DENND2A: variants seen among roughly 807,000 people sequenced by gnomAD.
The protein encoded by DENND2A is DENN domain-containing protein 2A.
A neutral mutation model predicts 105.3 loss-of-function variants in DENND2A; 53 were observed. That is an observed-to-expected ratio of 0.50 (90% CI 0.40 to 0.63). The LOEUF is 0.63. DENND2A is among the 30% of genes least tolerant of loss of function. The pLI is 0.00. For missense variants in DENND2A, 1,138 were observed against 1,279.6 expected, an observed-to-expected ratio of 0.89 and a Z score of 1.69; for synonymous variants, 522 against 508.4, an observed-to-expected ratio of 1.03 and a Z score of -0.36.
rs1310567277 is a variant in DENND2A at position 140,602,548 on chromosome 7, C to A, written c.-145-6G>T. Reference sequence around the variant, plus strand: ...TTGGACCTTCCACCTTGACCCTGCACAAGAAAGACAAACACCAGGTGAGTG... The same window carrying A: ...TTGGACCTTCCACCTTGACCCTGCAAAAGAAAGACAAACACCAGGTGAGTG... On this transcript the variant is annotated splice_region_variant and splice_polypyrimidine_tract_variant and intron_variant, in intron 2 of 19. Coordinates refer to ENST00000496613, the MANE Select transcript of DENND2A (RefSeq NM_015689.5). 1.5e-6 allele frequency: 1 copy of A among 684,742 alleles called. No homozygotes were observed. Among genetic ancestry groups the A allele is most frequent in the Non-Finnish European group, 2.2e-6 (1 of 457,428 alleles). 42.4% of individuals were successfully genotyped at this position (684,742 alleles called of 1,614,324 possible). A position where few individuals can be genotyped will look rare whatever the true frequency, so the allele number is the denominator to read the frequency against.
chr7:140,558,545 A>T (rs1797478794), intron 10 of DENND2A, among the ~76,000 whole-genome samples: 1 of 152,050 alleles, frequency 6.6e-6, no homozygotes, highest in African/African-American at 2.4e-5. Flanking sequence ...AAAATACAAA[A>T]ATTAGCCAGG....
chr7:140,607,222 G>T (rs566336168), intron 1 of DENND2A, among the ~76,000 whole-genome samples: 75 of 152,282 alleles, frequency 4.9e-4, no homozygotes, highest in African/African-American at 1.8e-3. Context: ...TCCTGGCCTG[G>T]GCATCCTCTC....
rs1187067727 is a variant in DENND2A at position 140,609,801 on chromosome 7, T to A, written c.-247-3995A>T. On this transcript the variant is annotated intron_variant, in intron 1 of 19. Transcript: ENST00000496613. ...TGGCTCAAGAATTTTCTTTGGGCAT[T>A]GACATCATGTTGACTGGAGGGTTCA... The A allele has an allele frequency of 2.0e-5, 3 of 152,212 alleles. No individual in the cohort carries two copies. The East Asian group carries it at 5.8e-4, about 29-fold the overall frequency. 9.4% of individuals were successfully genotyped at this position (152,212 alleles called of 1,614,324 possible). A position where few individuals can be genotyped will look rare whatever the true frequency, so the allele number is the denominator to read the frequency against.
Position 140,530,549 on chromosome 7 carries a change from G to A in DENND2A, c.2328-3054C>T, listed in dbSNP as rs78284578. On this transcript the variant is annotated intron_variant, in intron 14 of 19. Coordinates refer to ENST00000496613, the MANE Select transcript of DENND2A (RefSeq NM_015689.5). ...TGATCACCCCCAAGATGAGAAAAACGCTACCCCAAGATTTCATTCTTATCC... is the reference window on the plus strand; with the variant it reads ...TGATCACCCCCAAGATGAGAAAAACACTACCCCAAGATTTCATTCTTATCC... Among the ~76,000 whole-genome samples the A allele has an allele frequency of 6.3e-3, 958 of 151,626 alleles. 7 individuals are homozygous for A. The highest frequency in any genetic ancestry group is 0.021 in the African/African-American group (887 of 41,336).
At chr7:140,572,660 A>G (rs1383337562) in intron 6 of DENND2A, among the ~76,000 whole-genome samples, 1 of 150,830 alleles carries the variant, frequency 6.6e-6, no homozygotes, top group Non-Finnish European at 1.5e-5. Context: ...AGGCTGAGGC[A>G]GGAGAATCGC....
At chr7:140,531,777 T>C (rs1796279207) in intron 14 of DENND2A, among the ~76,000 whole-genome samples, 1 of 148,922 alleles carries the variant, frequency 6.7e-6, no homozygotes, top group African/African-American at 2.5e-5. Context: ...AATACGCCAT[T>C]GCACCCCAGG....
At chr7:140,609,287 C>T (rs1484030838) in intron 1 of DENND2A, among the ~76,000 whole-genome samples, 3 of 152,206 alleles carry the variant, frequency 2.0e-5, no homozygotes, top group East Asian at 3.9e-4. Context: ...CCAAGGCGGG[C>T]GGATCTCTTG....
intron 5 of DENND2A, among the ~76,000 whole-genome samples, chr7:140,581,887 G>A (rs1655059097): frequency 6.6e-6 from 1 of 152,150 alleles, no homozygotes; most frequent in Non-Finnish European, 1.5e-5. Context: ...GCAGTGACAA[G>A]AAGAAAAGGG....
chr7:140,581,049 G>A (rs953153656), intron 5 of DENND2A, among the ~76,000 whole-genome samples: 2 of 151,848 alleles, frequency 1.3e-5, no homozygotes, highest in Admixed American at 1.3e-4. Context: ...GATCACTTGA[G>A]GTCAGGAGTT....
intron 9 of DENND2A, among the ~76,000 whole-genome samples, chr7:140,560,214 C>T (rs1400136083): frequency 6.6e-6 from 1 of 152,140 alleles, no homozygotes; most frequent in Non-Finnish European, 1.5e-5. Flanking sequence ...GAACTCCAGG[C>T]AAAGACTGTT....
intron 12 of DENND2A, among the ~76,000 whole-genome samples, chr7:140,550,330 T>C (rs111987119): frequency 0.012 from 1,758 of 151,608 alleles, 43 homozygotes; most frequent in African/African-American, 0.041. Context: ...GTAGCTGGGA[T>C]TACGGACGCC....
chr7:140,614,041 T>G (rs1800000206), intron 1 of DENND2A, among the ~76,000 whole-genome samples: 1 of 152,186 alleles, frequency 6.6e-6, no homozygotes, highest in Non-Finnish European at 1.5e-5. Flanking sequence ...TGTTTCCCTT[T>G]TAAACACTGA....
chr7:140,525,974 G>T (rs1796040634), intron 15 of DENND2A, among the ~76,000 whole-genome samples, 182 bp from the exon 16 acceptor site: 1 of 152,246 alleles, frequency 6.6e-6, no homozygotes, highest in East Asian at 1.9e-4. Context: ...GGCTGGGGAG[G>T]GTCCTTCCTG....
chr7:140,561,973 T>C (rs1356410034), intron 9 of DENND2A, among the ~76,000 whole-genome samples: 1 of 151,842 alleles, frequency 6.6e-6, no homozygotes, highest in African/African-American at 2.4e-5. Flanking sequence ...CACTGCAACC[T>C]CCACCTCCTG....
intron 1 of DENND2A, among the ~76,000 whole-genome samples, chr7:140,633,626 T>C (rs573920965): frequency 6.6e-6 from 1 of 152,298 alleles, no homozygotes; most frequent in South Asian, 2.1e-4. Context: ...CCCTTGAAAT[T>C]GCTTTGCTAG....
In DENND2A at chr7:140,581,263, C is replaced by CAAAAG. The variant is rs151202396; in HGVS notation, c.1245+4321_1245+4325dup. ...TGGCTGACAGAGCAAGATTCTGTCT[C>CAAAAG]AAAAGAAAAGAAAAGAAACGGTGGG... On this transcript the variant is annotated intron_variant, in intron 5 of 19. Coordinates refer to ENST00000496613, the MANE Select transcript of DENND2A (RefSeq NM_015689.5). Among the ~76,000 whole-genome samples the CAAAAG allele has an allele frequency of 4.0e-3, 604 of 152,046 alleles. 1 individual carries two copies. The highest frequency in any genetic ancestry group is 6.1e-3 in the Non-Finnish European group (414 of 67,980).
At chr7:140,536,723 C>A (rs1273219801) in intron 14 of DENND2A, among the ~76,000 whole-genome samples, 2 of 151,968 alleles carry the variant, frequency 1.3e-5, no homozygotes, top group Non-Finnish European at 2.9e-5. Context: ...GCAGTATAGT[C>A]GTGCCATCTT....
chr7:140,520,662 G>A (rs1293827142), intron 18 of DENND2A, among the ~76,000 whole-genome samples: 4 of 151,790 alleles, frequency 2.6e-5, no homozygotes, highest in Non-Finnish European at 5.9e-5. Context: ...GGGTTCAAGC[G>A]CTTCTCCTGC....
rs546722351 is a variant in DENND2A at position 140,549,378 on chromosome 7, C to T, written c.2038-2439G>A. 2.6e-5 allele frequency among the ~76,000 whole-genome samples: 4 copies of T among 152,172 alleles called. No homozygotes were observed. In the East Asian group the frequency reaches 5.8e-4, roughly 22 times the overall value. ...TAGCAAGCAATTCTCATGCCTCAGC[C>T]TCCCAAGTAGCTGGGATTACAGGCA... On this transcript the variant is annotated intron_variant, in intron 12 of 19. Transcript: ENST00000496613.
Sources: allele counts gnomAD v4.1 joint callset (sites outside exome capture counted in the v4.1 genomes callset), GRCh38; gene constraint gnomAD v4.1.1; transcripts MANE v1.5; gene names NCBI Gene and HGNC (gene_info 2026-07-23, HGNC 2026-07-21).